ADCY1: variants seen among roughly 807,000 people sequenced by gnomAD.
ADCY1 encodes adenylate cyclase 1, also known as adenylate cyclase type 1.
A neutral mutation model predicts 105.4 loss-of-function variants in ADCY1; 28 were observed. The ratio of observed to expected loss-of-function variants is 0.27; its 90% confidence interval spans 0.20 to 0.36. ADCY1 has a LOEUF of 0.36. Among genes scored for constraint, ADCY1 ranks in the 10% least tolerant of loss-of-function variants. ADCY1 has a pLI of 1.00. For missense variants in ADCY1, 977 were observed against 1,434.2 expected (o/e 0.68, Z 5.15); for synonymous variants, 655 against 623.8 (o/e 1.05, Z -0.75).
intron 6 of ADCY1, among the ~76,000 whole-genome samples, chr7:45,658,565 G>A (rs755072935): frequency 6.6e-6 from 1 of 152,220 alleles, no homozygotes; most frequent in Non-Finnish European, 1.5e-5. Flanking sequence ...AACACTGGCT[G>A]CCCCTCAGTG....
rs116967886 is a variant in ADCY1 at position 45,647,617 on chromosome 7, G to A, written c.1021-1053G>A. Among the ~76,000 whole-genome samples, 474 of 152,320 alleles carry A rather than the reference G, an allele frequency of 3.1e-3. No homozygotes were observed. The highest frequency in any genetic ancestry group is 5.5e-3 in the Non-Finnish European group (375 of 68,038). ...GGCATCTGCAGAGATAGCACAGCAC[G>A]AAGGCTGGATGCAGAAGTGGGTCAC... On this transcript the variant is annotated intron_variant, in intron 4 of 19. Transcript: ENST00000297323. The surrounding 1 kb of genome is among the most constrained non-coding windows in gnomAD (Gnocchi z 4.6).
At chr7:45,610,928 T>TGGTGGAGGTGGGGAGGTGATGGTGGAGG in intron 3 of ADCY1, among the ~76,000 whole-genome samples, 1 of 2,466 alleles carries the variant, frequency 4.1e-4, no homozygotes, top group South Asian at 0.01. Flanking sequence ...ATGGAGGTGA[T>TGGTGGAGGTGGGGAGGTGATGGTGGAGG]TTTGGAGGTG....
chr7:45,644,006 A>T (rs538093412), intron 4 of ADCY1, among the ~76,000 whole-genome samples: 27 of 152,298 alleles, frequency 1.8e-4, no homozygotes, highest in Non-Finnish European at 3.1e-4. Context: ...AGCTTCCTCT[A>T]GGGTTTTCTA....
Position 45,714,170 on chromosome 7 carries a change from C to T in ADCY1, c.*175C>T, listed in dbSNP as rs964702056. 7 of 598,282 alleles carry T rather than the reference C, an allele frequency of 1.2e-5. No homozygotes were observed. In the African/African-American group the frequency reaches 1.3e-4, roughly 11 times the overall value. The allele number at this position is 598,282 out of a possible 1,614,324, so 37.1% of individuals were successfully genotyped here. A position where few individuals can be genotyped will look rare whatever the true frequency, so the allele number is the denominator to read the frequency against. On this transcript the variant is annotated 3_prime_UTR_variant, in exon 20 of 20. Coordinates refer to ENST00000297323, the MANE Select transcript of ADCY1 (RefSeq NM_021116.4). ...TGTGGCCCGAGGGCCAACCACCGAG[C>T]AGGCACAGCACAGCAGTGACTCGGT... is the stretch of plus-strand genomic sequence containing the variant.
At chr7:45,622,146 C>T (rs540524493) in intron 3 of ADCY1, among the ~76,000 whole-genome samples, 4 of 152,198 alleles carry the variant, frequency 2.6e-5, no homozygotes, top group Non-Finnish European at 5.9e-5. Flanking sequence ...TCGGGGACTC[C>T]CTCCCTTTTC....
upstream of ADCY1, chr7:45,574,146 C>A: frequency 1.0e-6 from 1 of 985,304 alleles, no homozygotes; most frequent in Non-Finnish European, 1.2e-6. The surrounding 1 kb of genome is among the most constrained non-coding windows in gnomAD (Gnocchi z 7.0). Flanking sequence ...GTGGGTTCCA[C>A]TGTGCACGGT....
chr7:45,661,742 A>G (rs553745853), intron 7 of ADCY1, among the ~76,000 whole-genome samples: 133 of 152,326 alleles, frequency 8.7e-4, no homozygotes, highest in African/African-American at 3.1e-3. Context: ...CTTCATTCCA[A>G]GCCCTGGTTG....
At chr7:45,705,452 AC>A (rs1160461878) in intron 17 of ADCY1, among the ~76,000 whole-genome samples, 3 of 152,224 alleles carry the variant, frequency 2.0e-5, no homozygotes, top group African/African-American at 7.2e-5. Context: ...CATCAAATCA[AC>A]AGGATAAAGA....
chr7:45,646,027 T>C (rs1562704598), intron 4 of ADCY1, among the ~76,000 whole-genome samples: 1 of 151,836 alleles, frequency 6.6e-6, no homozygotes, highest in Non-Finnish European at 1.5e-5. Flanking sequence ...GGAGGAAGCC[T>C]GAGTATGAGG....
In ADCY1 at chr7:45,711,644, T is replaced by TAC. The variant is rs1554333220; in HGVS notation, c.3057+1003_3057+1004dup. ...ATATATATATATATATATATATATA[T>TAC]ACACACACACACGTATGTATACACA... On this transcript the variant is annotated intron_variant, in intron 19 of 19. Coordinates refer to ENST00000297323, the MANE Select transcript of ADCY1 (RefSeq NM_021116.4). Among the ~76,000 whole-genome samples, 392 of 51,350 alleles carry TAC rather than the reference T, an allele frequency of 7.6e-3. 5 individuals carry two copies. The highest frequency in any genetic ancestry group is 0.019 in the African/African-American group (288 of 15,020). 33.7% of individuals were successfully genotyped at this position (51,350 alleles called of 152,430 possible). A position where few individuals can be genotyped will look rare whatever the true frequency, so the allele number is the denominator to read the frequency against.
intron 4 of ADCY1, among the ~76,000 whole-genome samples, chr7:45,635,629 T>TTC (rs1554322116): frequency 1.7e-4 from 25 of 144,006 alleles, no homozygotes; most frequent in Admixed American, 2.8e-4. Flanking sequence ...TTTTTTTTTT[T>TTC]CCAGACCCAT....
In ADCY1 at chr7:45,703,841, G is replaced by A. The variant is rs750324603; in HGVS notation, c.2718+95G>A. The A allele has an allele frequency of 6.0e-5, 88 of 1,457,346 alleles. No homozygotes were observed. Among genetic ancestry groups the A allele is most frequent in the Admixed American group, 9.2e-5 (4 of 43,514 alleles). The allele number at this position is 1,457,346 out of a possible 1,614,324, so 90.3% of individuals were successfully genotyped here. A position where few individuals can be genotyped will look rare whatever the true frequency, so the allele number is the denominator to read the frequency against. On this transcript the variant is annotated intron_variant, in intron 16 of 19. Transcript: ENST00000297323. This position sits in a 1 kb window ranked among gnomAD's most constrained non-coding sequence, Gnocchi z 5.9. ...TGTCTCACAATATGTCACATTCTTCGTAGCTGGAATGAGAGAAAGCAAATC... is the reference window on the plus strand; with the variant it reads ...TGTCTCACAATATGTCACATTCTTCATAGCTGGAATGAGAGAAAGCAAATC...
chr7:45,664,319 G>T, intron 8 of ADCY1: 2 of 1,536,178 alleles, frequency 1.3e-6, no homozygotes, highest in Non-Finnish European at 1.7e-6. Context: ...GAGTGGCCTG[G>T]ATGTCCTCCT....
intron 14 of ADCY1, among the ~76,000 whole-genome samples, chr7:45,690,541 G>A (rs983619369): frequency 3.9e-5 from 6 of 152,340 alleles, no homozygotes; most frequent in African/African-American, 1.4e-4. Flanking sequence ...GCCAAACCTG[G>A]CCGGAAGTAG....
rs183883521 is a variant in ADCY1, at chr7:45,644,720, T to C, written c.1021-3950T>C. Among the ~76,000 whole-genome samples, 5 of 152,338 alleles carry C rather than the reference T, an allele frequency of 3.3e-5. No homozygotes were observed. The East Asian group carries it at 9.7e-4, about 29-fold the overall frequency. The stretch of plus-strand genomic sequence containing the variant: ...ACACAACACTTCCTGTGGTGCTTTA[T>C]TGCAGTGGACTCTAGGTGCTGACTT... On this transcript the variant is annotated intron_variant, in intron 4 of 19. Transcript: ENST00000297323.
chr7:45,705,557 C>A (rs1304846282), intron 17 of ADCY1, among the ~76,000 whole-genome samples: 2 of 152,098 alleles, frequency 1.3e-5, no homozygotes, highest in Non-Finnish European at 1.5e-5. Flanking sequence ...AGTGAACTGG[C>A]AATAGAAGAC....
chr7:45,676,915 C>T (rs1218816519), intron 8 of ADCY1, among the ~76,000 whole-genome samples: 1 of 151,494 alleles, frequency 6.6e-6, no homozygotes, highest in Admixed American at 6.6e-5. Flanking sequence ...CTAGGTTGCC[C>T]CTTTTTTTTT....
At chr7:45,673,898 T>G (rs1010648023) in intron 8 of ADCY1, among the ~76,000 whole-genome samples, 1 of 149,138 alleles carries the variant, frequency 6.7e-6, no homozygotes, top group Non-Finnish European at 1.5e-5. Flanking sequence ...TTTAGTACTA[T>G]TAACTACCTT....
At chr7:45,697,727 C>G (rs1784914702) in intron 14 of ADCY1, among the ~76,000 whole-genome samples, 1 of 152,198 alleles carries the variant, frequency 6.6e-6, no homozygotes. Context: ...ATCTTGCTTC[C>G]TGTCTGAAAC....
Sources: allele counts gnomAD v4.1 joint callset (sites outside exome capture counted in the v4.1 genomes callset), GRCh38; gene constraint gnomAD v4.1.1; non-coding constraint Gnocchi (gnomAD v3.1); transcripts MANE v1.5; gene names NCBI Gene and HGNC (gene_info 2026-07-23, HGNC 2026-07-21).